The following FGF13 variants were observed in gnomAD, a reference collection of about 807,000 sequenced individuals.
FGF13 encodes fibroblast growth factor homologous factor 2.
FGF13 carries 2 observed loss-of-function variants against 19.5 expected under a neutral mutation model. That is an observed-to-expected ratio of 0.10 (90% confidence interval 0.04 to 0.32). The LOEUF (loss-of-function observed/expected upper bound fraction) is 0.32. Ranked by LOEUF, FGF13 falls within the 10% of genes least tolerant of loss-of-function variation. The pLI is 1.00. For synonymous variants in FGF13, 72 were observed against 76.9 expected, an observed-to-expected ratio of 0.94 and a Z score of 0.33; for missense variants, 113 against 192.7, an observed-to-expected ratio of 0.59 and a Z score of 2.45.
chrX:138,869,764 T>A (rs1349919546), intron 1 of FGF13, among the ~76,000 whole-genome samples: 1 of 112,331 alleles, frequency 8.9e-6, no homozygotes, highest in Non-Finnish European at 1.9e-5. Flanking sequence ...ACAATTCTAA[T>A]AGAGAAATAA....
At position 139,164,468 on chromosome X, in the gene FGF13, G is replaced by C. The variant is rs144608447; in HGVS notation, c.-113+38948C>G. ...TGCACTTTTAGAGCCCAGGCGGGTGGATCACTTAAGCCCAGGAGTTCGAGA... is the reference window on the plus strand; with the variant it reads ...TGCACTTTTAGAGCCCAGGCGGGTGCATCACTTAAGCCCAGGAGTTCGAGA... On this transcript the variant is annotated intron_variant, in intron 1 of 2. Coordinates refer to the FGF13 transcript ENST00000421460. Among the ~76,000 whole-genome samples the C allele has an allele frequency of 7.7e-4, 85 of 110,977 alleles. 1 individual carries two copies. In the East Asian group the frequency reaches 0.022, roughly 29 times the overall value.
intron 3 of FGF13, among the ~76,000 whole-genome samples, chrX:138,774,726 G>C (rs1378200872): frequency 9.0e-6 from 1 of 111,503 alleles, no homozygotes; most frequent in East Asian, 2.8e-4. Flanking sequence ...TGTATTATTT[G>C]TCCCTGTATC....
intron 3 of FGF13, among the ~76,000 whole-genome samples, chrX:138,694,726 T>C (rs2124217802): frequency 9.1e-6 from 1 of 109,853 alleles, no homozygotes; most frequent in South Asian, 4.0e-4. Flanking sequence ...TCCACCCACC[T>C]TGGCCTCCCA....
chrX:138,711,149 C>T lies in FGF13; in HGVS notation c.-146G>A. ...GCGTTTGCCCGGGCTTCTCCGCACT[C>T]GGGCTTCAGCCAAGGAGGGGGCTCA... On this transcript the variant is annotated 5_prime_UTR_variant, in exon 1 of 5. Coordinates refer to ENST00000315930, the MANE Select transcript of FGF13 (RefSeq NM_004114.5). 9.2e-7 allele frequency: 1 copy of T among 1,083,897 alleles called. No homozygotes were observed. Among genetic ancestry groups the T allele is most frequent in the Non-Finnish European group, 1.2e-6 (1 of 838,768 alleles). 89.3% of individuals were successfully genotyped at this position (1,083,897 alleles called of 1,213,427 possible).
At chrX:138,985,778 AT>A (rs2091992446) in intron 1 of FGF13, among the ~76,000 whole-genome samples, 1 of 112,415 alleles carries the variant, frequency 8.9e-6, no homozygotes, top group African/African-American at 3.2e-5. Context: ...AAATAAAAAT[AT>A]TATTTTCTCA....
chrX:138,747,238 G>A (rs1048102332), intron 3 of FGF13, among the ~76,000 whole-genome samples: 9 of 111,997 alleles, frequency 8.0e-5, no homozygotes, highest in African/African-American at 2.9e-4. Context: ...CAATGTGTAG[G>A]TGGCTCAGGG....
intron 3 of FGF13, among the ~76,000 whole-genome samples, chrX:138,644,635 T>G (rs888614443): frequency 1.8e-5 from 2 of 111,360 alleles, no homozygotes; most frequent in African/African-American, 6.5e-5. Flanking sequence ...TCTGTTACAT[T>G]TGGTAGGGTT....
At chrX:138,747,725 C>T (rs1222510706) in intron 3 of FGF13, among the ~76,000 whole-genome samples, 5 of 111,401 alleles carry the variant, frequency 4.5e-5, no homozygotes, top group Admixed American at 1.9e-4. Context: ...AGGTCTTAAT[C>T]TCAGTTGGCA....
intron 1 of FGF13, among the ~76,000 whole-genome samples, chrX:138,953,764 T>C (rs2091826657): frequency 1.8e-5 from 2 of 110,532 alleles, no homozygotes; most frequent in Non-Finnish European, 3.8e-5. Context: ...CTGATACACA[T>C]AACACTATGG....
Position 138,643,676 on chromosome X carries a change from T to G in FGF13, c.403-8021A>C, listed in dbSNP as rs2267629. Reference sequence around the variant, plus strand: ...AACTGTTGTATATTTTAAAACTTATTAGGGCATCTCACTGTTTAACAGAAA... The same window carrying G: ...AACTGTTGTATATTTTAAAACTTATGAGGGCATCTCACTGTTTAACAGAAA... On this transcript the variant is annotated intron_variant, in intron 3 of 4. Coordinates refer to ENST00000315930, the MANE Select transcript of FGF13 (RefSeq NM_004114.5). 5.6e-4 allele frequency among the ~76,000 whole-genome samples: 63 copies of G among 112,094 alleles called. 4 individuals carry two copies. In the East Asian group the frequency reaches 0.017, roughly 31 times the overall value.
At chrX:138,722,594 G>A (rs1054248463) in intron 1 of FGF13, among the ~76,000 whole-genome samples, 2 of 111,082 alleles carry the variant, frequency 1.8e-5, no homozygotes, top group African/African-American at 6.5e-5. Context: ...CTGCTCCCGG[G>A]TTTTGATGAG....
chrX:139,186,187 C>G (rs748286378), intron 1 of FGF13, among the ~76,000 whole-genome samples: 1 of 111,436 alleles, frequency 9.0e-6, no homozygotes, highest in South Asian at 3.8e-4. Flanking sequence ...AGGCTGCAAT[C>G]ACAGTGGGAA....
chrX:138,849,320 G>A (rs1405112290), intron 3 of FGF13, among the ~76,000 whole-genome samples: 1 of 111,890 alleles, frequency 8.9e-6, no homozygotes, highest in Non-Finnish European at 1.9e-5. Flanking sequence ...TGTAATTTGG[G>A]AAACATATTT....
chrX:138,991,025 T>C (rs1369193768), intron 1 of FGF13, among the ~76,000 whole-genome samples: 1 of 111,880 alleles, frequency 8.9e-6, no homozygotes, highest in Admixed American at 9.5e-5. Context: ...ACAAGCCTCC[T>C]TTGAAATGGA....
chrX:138,705,510 T>C (rs1223571070), intron 2 of FGF13, among the ~76,000 whole-genome samples: 1 of 112,285 alleles, frequency 8.9e-6, no homozygotes, highest in African/African-American at 3.2e-5. Flanking sequence ...CTTTTCACTA[T>C]GTACTTTAAA....
intron 3 of FGF13, among the ~76,000 whole-genome samples, chrX:138,812,624 C>A (rs1266926689): frequency 5.4e-5 from 6 of 111,472 alleles, no homozygotes; most frequent in African/African-American, 2.0e-4. Flanking sequence ...TGTGATAATA[C>A]ATTCCATATG....
intron 3 of FGF13, among the ~76,000 whole-genome samples, chrX:138,746,586 A>G (rs1396359859): frequency 8.9e-6 from 1 of 111,758 alleles, no homozygotes; most frequent in African/African-American, 3.3e-5. Flanking sequence ...CGGAAGCAAC[A>G]GAGAAAAGTA....
intron 3 of FGF13, among the ~76,000 whole-genome samples, chrX:138,796,873 G>A (rs1473377063): frequency 8.9e-6 from 1 of 111,896 alleles, no homozygotes; most frequent in East Asian, 2.8e-4. Flanking sequence ...AGAATTGTCT[G>A]TTCATTTACG....
chrX:139,015,452 G>A lies in FGF13; in HGVS notation c.-112-150802C>T, dbSNP rs749088177. ...CAAACAATCAGAAAAAAAATTTCAA[G>A]AAAGTAATCCCATTTACAATAGCTA... On this transcript the variant is annotated intron_variant, in intron 1 of 2. Transcript: ENST00000421460. Among the ~76,000 whole-genome samples the A allele has an allele frequency of 4.5e-5, 5 of 110,387 alleles. No homozygotes were observed. In the South Asian group the frequency reaches 1.9e-3, roughly 42 times the overall value.
Sources: gnomAD v4.1 joint callset for allele counts (sites outside exome capture counted in the v4.1 genomes callset) on GRCh38, gnomAD v4.1.1 for gene constraint, MANE v1.5 for transcripts, NCBI Gene and HGNC (gene_info 2026-07-23, HGNC 2026-07-21) for gene names.